The following ANO3 variants were observed in gnomAD, a reference collection of about 807,000 sequenced individuals.
ANO3 encodes the protein anoctamin 3.
In ANO3, 99 loss-of-function variants were observed where a neutral mutation model predicts 144.8. That is an observed-to-expected ratio of 0.68 (90% CI 0.58 to 0.81). ANO3 has a LOEUF of 0.81. Ranked by LOEUF, ANO3 falls within the 30% of genes least tolerant of loss-of-function variation. The probability of loss-of-function intolerance (pLI) is 0.00; values close to 1 mark genes in which losing one functional copy is unlikely to be tolerated. For synonymous variants in ANO3, 414 were observed against 392.6 expected (o/e 1.05, Z -0.64); for missense variants, 905 against 1,202.2 (o/e 0.75, Z 3.66).
At chr11:26,598,543 C>A in intron 15 of ANO3, 96 bp downstream of exon 15, 1 of 858,862 alleles carries the variant, frequency 1.2e-6, no homozygotes, top group Non-Finnish European at 1.8e-6. Context: ...AGTTAACCAC[C>A]ATTAGATTTT....
chr11:26,542,823 T>A (rs928643698), intron 11 of ANO3, among the ~76,000 whole-genome samples: 13 of 101,374 alleles, frequency 1.3e-4, no homozygotes, highest in African/African-American at 4.3e-4. Flanking sequence ...AGGACTTAAG[T>A]CTTTAGTTAA....
chr11:26,506,016 A>C (rs1423889972), intron 4 of ANO3, among the ~76,000 whole-genome samples: 3 of 136,644 alleles, frequency 2.2e-5, no homozygotes, highest in Non-Finnish European at 3.2e-5. Context: ...AAAAAAAAAA[A>C]AGACAGCAAA....
At chr11:26,506,383 A>G (rs1420893221) in intron 4 of ANO3, among the ~76,000 whole-genome samples, 1 of 152,058 alleles carries the variant, frequency 6.6e-6, no homozygotes, top group Non-Finnish European at 1.5e-5. Flanking sequence ...GCTTCTATGT[A>G]CTCTTGTCAA....
intron 1 of ANO3, among the ~76,000 whole-genome samples, chr11:26,266,408 A>T (rs558361388): frequency 6.6e-6 from 1 of 151,978 alleles, no homozygotes; most frequent in East Asian, 1.9e-4. Context: ...AAGTTAATAA[A>T]AGTTAATTCA....
intron 17 of ANO3, among the ~76,000 whole-genome samples, chr11:26,618,203 A>C (rs1028903913): frequency 6.6e-6 from 1 of 152,166 alleles, no homozygotes; most frequent in African/African-American, 2.4e-5. Context: ...ATAGAAAAAT[A>C]GTTTAAATCA....
chr11:26,566,029 T>TA, intron 14 of ANO3: 6 of 990,456 alleles, frequency 6.1e-6, no homozygotes, highest in Non-Finnish European at 8.4e-6. Flanking sequence ...TATTCCAAAA[T>TA]TGCTTATTTT....
At chr11:26,595,596 A>G (rs1851600771) in intron 14 of ANO3, among the ~76,000 whole-genome samples, 1 of 150,830 alleles carries the variant, frequency 6.6e-6, no homozygotes, top group Non-Finnish European at 1.5e-5. Flanking sequence ...TCTCCCTATC[A>G]ATTACTGAAT....
chr11:26,527,390 C>T (rs1483085897), intron 7 of ANO3, among the ~76,000 whole-genome samples: 1 of 151,970 alleles, frequency 6.6e-6, no homozygotes, highest in East Asian at 1.9e-4. Flanking sequence ...TACTCTAGCC[C>T]ACCCCTTTTC....
In ANO3 at chr11:26,295,515, C is replaced by CAAAA. The variant is rs71047842; in HGVS notation, c.155-14108_155-14105dup. 1.8e-3 allele frequency among the ~76,000 whole-genome samples: 119 copies of CAAAA among 66,068 alleles called. 1 individual carries two copies. The highest frequency in any genetic ancestry group is 4.7e-3 in the African/African-American group (110 of 23,366). 43.3% of individuals were successfully genotyped at this position (66,068 alleles called of 152,430 possible). A position where few individuals can be genotyped will look rare whatever the true frequency, so the allele number is the denominator to read the frequency against. ...TGGGCGATAGAGTGAGACTCTGTCTCAAAAAAAAAAAAAAAAAAAAAAAAA... is the reference window on the plus strand; with the variant it reads ...TGGGCGATAGAGTGAGACTCTGTCTCAAAAAAAAAAAAAAAAAAAAAAAAAAAAA... On this transcript the variant is annotated intron_variant, in intron 1 of 27. Coordinates refer to the ANO3 transcript ENST00000672621.
At chr11:26,567,035 T>C in intron 14 of ANO3, 1 of 1,480,982 alleles carries the variant, frequency 6.8e-7, no homozygotes, top group South Asian at 1.4e-5. Flanking sequence ...TACAGTATCA[T>C]CTTATTTGAT....
In ANO3 at chr11:26,647,749, T is replaced by A; in HGVS notation, c.2469T>A (p.Ala823=). 6.2e-7 allele frequency: 1 copy of A among 1,612,876 alleles called. No homozygotes were observed. The highest frequency in any genetic ancestry group is 8.5e-7 in the Non-Finnish European group (1 of 1,179,224). ...LGILEGIGIL[A]VITNAFVIAI... ...TTCTCGAAGGAATCGGTATATTGGC[T>A]GTGATCACCAATGCATTTGTAATTG... is the stretch of plus-strand genomic sequence containing the variant. Residue 823 remains alanine (A), a synonymous_variant, in exon 24 of 27, where the codon GCT becomes GCA. Coordinates refer to ENST00000256737, the MANE Select transcript of ANO3 (RefSeq NM_031418.4).
chr11:26,418,769 A>T (rs991045093), intron 1 of ANO3, among the ~76,000 whole-genome samples: 1 of 151,990 alleles, frequency 6.6e-6, no homozygotes, highest in Non-Finnish European at 1.5e-5. Flanking sequence ...TCAAGCTTAT[A>T]TATAAAATAC....
At chr11:26,352,820 C>T (rs953795408) in intron 1 of ANO3, among the ~76,000 whole-genome samples, 4 of 152,148 alleles carry the variant, frequency 2.6e-5, no homozygotes, top group African/African-American at 9.7e-5. Context: ...TGGTTCAATA[C>T]ATATTAGATC....
chr11:26,355,195 C>T (rs1360648832), intron 1 of ANO3, among the ~76,000 whole-genome samples: 2 of 152,086 alleles, frequency 1.3e-5, no homozygotes, highest in Non-Finnish European at 2.9e-5. Flanking sequence ...CCCTGTTTTA[C>T]TGAGACATGT....
intron 6 of ANO3, among the ~76,000 whole-genome samples, chr11:26,523,812 A>G (rs1035428071): frequency 3.3e-5 from 5 of 152,188 alleles, no homozygotes; most frequent in African/African-American, 1.2e-4. Context: ...ACTACCATCA[A>G]TAAAGACAGA....
intron 1 of ANO3, among the ~76,000 whole-genome samples, chr11:26,424,644 G>A (rs10834976): frequency 0.78 from 119,001 of 151,986 alleles, 49,008 homozygotes; most frequent in South Asian, 0.94. Flanking sequence ...ACCAGGGCTC[G>A]GAAATAGAAA....
At chr11:26,305,677 A>G (rs990491993), upstream of ANO3, among the ~76,000 whole-genome samples, 3 of 152,308 alleles carry the variant, frequency 2.0e-5, no homozygotes, top group South Asian at 6.2e-4. Context: ...AGAGTTCTTC[A>G]TTAAATTATA....
intron 14 of ANO3, among the ~76,000 whole-genome samples, chr11:26,564,730 CACATATATAT>C (rs1478881860): frequency 3.2e-3 from 76 of 23,960 alleles, no homozygotes; most frequent in Non-Finnish European, 4.0e-3. Context: ...CACACACACA[CACATATATAT>C]ATATATATAT....
intron 1 of ANO3, among the ~76,000 whole-genome samples, chr11:26,233,457 G>A (rs529991605): frequency 4.1e-4 from 62 of 152,308 alleles, no homozygotes; most frequent in African/African-American, 1.4e-3. Context: ...TGCTGGAAAG[G>A]ATGTGGAGAA....
Sources: allele counts gnomAD v4.1 joint callset (sites outside exome capture counted in the v4.1 genomes callset), GRCh38; gene constraint gnomAD v4.1.1; transcripts MANE v1.5; gene names NCBI Gene and HGNC (gene_info 2026-07-23, HGNC 2026-07-21).